The following PDE4B variants were observed in gnomAD, a reference collection of about 807,000 sequenced individuals.
PDE4B encodes 3',5'-cyclic-AMP phosphodiesterase 4B.
Under a neutral mutation model 82.2 loss-of-function variants are expected in PDE4B, and 20 were observed. The ratio of observed to expected loss-of-function variants is 0.24; its 90% CI spans 0.17 to 0.35. The LOEUF is 0.35. Ranked by LOEUF, PDE4B falls within the 10% of genes least tolerant of loss-of-function variation. The pLI is 1.00. For synonymous variants in PDE4B, 320 were observed against 318.9 expected (o/e 1.00, Z -0.04); for missense variants, 655 against 907.2 (o/e 0.72, Z 3.57).
intron 3 of PDE4B, among the ~76,000 whole-genome samples, chr1:66,035,557 A>G (rs1570045638): frequency 6.6e-6 from 1 of 152,136 alleles, no homozygotes; most frequent in East Asian, 1.9e-4. Context: ...TTTAGTTTCC[A>G]CATATAAGTG....
At chr1:66,060,084 C>T (rs952902565) in intron 3 of PDE4B, among the ~76,000 whole-genome samples, 3 of 152,168 alleles carry the variant, frequency 2.0e-5, no homozygotes, top group African/African-American at 7.2e-5. Flanking sequence ...ACTACTATAG[C>T]ATAGCATGCC....
At chr1:65,859,338 T>C (rs556838524) in intron 1 of PDE4B, among the ~76,000 whole-genome samples, 4 of 152,012 alleles carry the variant, frequency 2.6e-5, no homozygotes, top group South Asian at 2.1e-4. Context: ...TTAGTTTAAA[T>C]TGAGAAAATA....
chr1:66,234,763 ATC>A (rs1281569270), intron 3 of PDE4B, among the ~76,000 whole-genome samples: 1 of 150,864 alleles, frequency 6.6e-6, no homozygotes, highest in South Asian at 2.1e-4. Flanking sequence ...GGCTTCACTG[ATC>A]TCTCTCTCCC....
At chr1:66,049,291 C>T (rs1181487248) in intron 3 of PDE4B, among the ~76,000 whole-genome samples, 1 of 152,024 alleles carries the variant, frequency 6.6e-6, no homozygotes, top group Non-Finnish European at 1.5e-5. Flanking sequence ...GCTACAATCT[C>T]TGAATGTTAC....
At chr1:65,802,167 A>C (rs1349360718) in intron 1 of PDE4B, among the ~76,000 whole-genome samples, 1 of 152,132 alleles carries the variant, frequency 6.6e-6, no homozygotes, top group Non-Finnish European at 1.5e-5. Context: ...ACCAGCAAGA[A>C]GTTTATTTTT....
At chr1:65,969,808 T>C (rs2100621350) in intron 3 of PDE4B, among the ~76,000 whole-genome samples, 1 of 152,252 alleles carries the variant, frequency 6.6e-6, no homozygotes, top group South Asian at 2.1e-4. Context: ...TCTTTTTCCC[T>C]TGGTGTTTTT....
At chr1:66,296,602 C>T (rs1657530779) in intron 7 of PDE4B, among the ~76,000 whole-genome samples, 1 of 152,032 alleles carries the variant, frequency 6.6e-6, no homozygotes, top group African/African-American at 2.4e-5. Context: ...GAATAATAAC[C>T]TTCTGTGGCT....
intron 3 of PDE4B, among the ~76,000 whole-genome samples, chr1:66,131,596 T>TATATATATATAG (rs1645947074): frequency 5.1e-5 from 3 of 58,848 alleles, no homozygotes; most frequent in African/African-American, 3.5e-4. Flanking sequence ...ATGCCAGATA[T>TATATATATATAG]ATATATATAT....
intron 3 of PDE4B, among the ~76,000 whole-genome samples, chr1:65,928,351 T>C (rs1317156067): frequency 1.3e-5 from 2 of 152,206 alleles, no homozygotes; most frequent in African/African-American, 2.4e-5. Flanking sequence ...ACGAATGCAG[T>C]AGGCTTCCTA....
chr1:65,829,056 C>T (rs976198898), intron 1 of PDE4B, among the ~76,000 whole-genome samples: 16 of 151,256 alleles, frequency 1.1e-4, no homozygotes, highest in African/African-American at 3.6e-4. Flanking sequence ...ATGCAATGTA[C>T]GAACAACAAC....
intron 16 of PDE4B, among the ~76,000 whole-genome samples, chr1:66,371,941 G>A (rs748638889): frequency 2.0e-5 from 3 of 152,130 alleles, no homozygotes; most frequent in Non-Finnish European, 2.9e-5. Context: ...CTTATCTGGC[G>A]CACATAAAAG....
intron 3 of PDE4B, among the ~76,000 whole-genome samples, chr1:66,178,187 A>G (rs1646974987): frequency 6.6e-6 from 1 of 152,110 alleles, no homozygotes; most frequent in African/African-American, 2.4e-5. Flanking sequence ...GTCAAAATAA[A>G]CAAAAATTTA....
intron 3 of PDE4B, among the ~76,000 whole-genome samples, chr1:66,235,373 A>T (rs1394841739): frequency 6.6e-6 from 1 of 151,884 alleles, no homozygotes; most frequent in East Asian, 1.9e-4. Context: ...GTAGTTTGAA[A>T]CTCTATTAAT....
At chr1:66,283,891 A>AAG (rs1173901454) in intron 7 of PDE4B, among the ~76,000 whole-genome samples, 4 of 151,652 alleles carry the variant, frequency 2.6e-5, no homozygotes, top group Admixed American at 2.6e-4. Flanking sequence ...GAGCGAGAGA[A>AAG]AGAGAGAGAG....
intron 3 of PDE4B, among the ~76,000 whole-genome samples, chr1:66,181,352 T>C (rs899972618): frequency 4.6e-5 from 7 of 152,192 alleles, no homozygotes; most frequent in Admixed American, 3.9e-4. Flanking sequence ...ACCTAAACTC[T>C]TAGTGCTGAC....
intron 7 of PDE4B, among the ~76,000 whole-genome samples, chr1:66,286,257 A>G (rs1656665636): frequency 6.6e-6 from 1 of 152,092 alleles, no homozygotes; most frequent in South Asian, 2.1e-4. Flanking sequence ...AACTTTTTGT[A>G]TGTTTTGTTT....
intron 3 of PDE4B, among the ~76,000 whole-genome samples, chr1:66,027,833 G>T (rs1191005490): frequency 6.6e-6 from 1 of 152,228 alleles, no homozygotes; most frequent in African/African-American, 2.4e-5. Flanking sequence ...GCAAGGGGTG[G>T]GTTCCCATGG....
chr1:66,045,304 G>A (rs1302280360), intron 3 of PDE4B, among the ~76,000 whole-genome samples: 2 of 151,200 alleles, frequency 1.3e-5, no homozygotes, highest in Non-Finnish European at 3.0e-5. Context: ...GAATCTCAAA[G>A]TAGCACTTAG....
intron 4 of PDE4B, among the ~76,000 whole-genome samples, chr1:66,254,893 A>G (rs1264234675): frequency 6.6e-6 from 1 of 151,720 alleles, no homozygotes; most frequent in Non-Finnish European, 1.5e-5. Context: ...GTCTGTCCCC[A>G]CTCCAATCTA....
Sources: allele counts gnomAD v4.1 joint callset (sites outside exome capture counted in the v4.1 genomes callset), GRCh38; gene constraint gnomAD v4.1.1; transcripts MANE v1.5; gene names NCBI Gene and HGNC (gene_info 2026-07-23, HGNC 2026-07-21).